The following KANK1 variants were observed in gnomAD, a reference collection of about 807,000 sequenced individuals.
KANK1 encodes the protein KN motif and ankyrin repeat domain-containing protein 1.
A neutral mutation model predicts 106.2 loss-of-function variants in KANK1; 109 were observed. That is an observed-to-expected ratio of 1.03 (90% CI 0.88 to 1.20). The LOEUF (loss-of-function observed/expected upper bound fraction) is 1.20, where lower values mean the gene tolerates loss of function less well. Among genes scored for constraint, KANK1 ranks in the 50% most tolerant of loss-of-function variants. The pLI is 0.00. For missense variants in KANK1, 2,399 were observed against 1,710.7 expected (o/e 1.40, Z -7.10); for synonymous variants, 873 against 652.2 (o/e 1.34, Z -5.16).
chr9:584,905 G>C (rs1410334635), intron 1 of KANK1, among the ~76,000 whole-genome samples: 1 of 152,196 alleles, frequency 6.6e-6, no homozygotes, highest in Non-Finnish European at 1.5e-5. Flanking sequence ...GTCTCTGCTT[G>C]TTTCCGTTTG....
At chr9:634,510 T>C (rs913581006) in intron 1 of KANK1, among the ~76,000 whole-genome samples, 1 of 152,182 alleles carries the variant, frequency 6.6e-6, no homozygotes, top group Non-Finnish European at 1.5e-5. Context: ...GCCACCTGAC[T>C]TCTGAGCAGT....
chr9:501,110 T>C (rs1162172123), upstream of KANK1, among the ~76,000 whole-genome samples: 1 of 152,118 alleles, frequency 6.6e-6, no homozygotes, highest in Non-Finnish European at 1.5e-5. Flanking sequence ...TCTTTCAAGC[T>C]TGAGCAAAAT....
At chr9:688,857 C>A (rs770507137) in intron 2 of KANK1, among the ~76,000 whole-genome samples, 2 of 152,132 alleles carry the variant, frequency 1.3e-5, no homozygotes, top group Non-Finnish European at 2.9e-5. Flanking sequence ...GCTTGGTGGG[C>A]TGGTTGCAAC....
chr9:543,043 A>G (rs1314911120), intron 1 of KANK1, among the ~76,000 whole-genome samples: 2 of 152,234 alleles, frequency 1.3e-5, no homozygotes, highest in East Asian at 1.9e-4. Context: ...CTCACCACAA[A>G]TAAGTGCGAG....
intron 2 of KANK1, among the ~76,000 whole-genome samples, chr9:686,611 G>A (rs1453043913): frequency 6.6e-6 from 1 of 152,166 alleles, no homozygotes; most frequent in Non-Finnish European, 1.5e-5. Context: ...ACACTGTGAT[G>A]CCCTTTGCCA....
chr9:704,236 A>C (rs1407187282), intron 2 of KANK1, among the ~76,000 whole-genome samples: 1 of 152,192 alleles, frequency 6.6e-6, no homozygotes, highest in East Asian at 1.9e-4. Flanking sequence ...AGACCTTTAT[A>C]TCTTTTTCAC....
intron 2 of KANK1, among the ~76,000 whole-genome samples, chr9:686,199 T>G (rs1314323868): frequency 6.6e-6 from 1 of 152,216 alleles, no homozygotes; most frequent in Non-Finnish European, 1.5e-5. Flanking sequence ...CCCCCTCATG[T>G]AAGTCTGTCT....
At chr9:698,602 C>T (rs548941153) in intron 2 of KANK1, among the ~76,000 whole-genome samples, 7 of 152,202 alleles carry the variant, frequency 4.6e-5, no homozygotes, top group East Asian at 1.9e-4. Context: ...CAGTTTCCTC[C>T]GAAGTATTAG....
chr9:556,293 C>G (rs2061578104), intron 1 of KANK1, among the ~76,000 whole-genome samples: 1 of 151,996 alleles, frequency 6.6e-6, no homozygotes, highest in African/African-American at 2.4e-5. Flanking sequence ...AAACTTTTCT[C>G]TGTATGTGTC....
intron 1 of KANK1, among the ~76,000 whole-genome samples, chr9:531,950 T>G (rs2060076447): frequency 6.6e-6 from 1 of 152,230 alleles, no homozygotes; most frequent in Non-Finnish European, 1.5e-5. Context: ...GACATCCACC[T>G]GGCCTCCAAG....
At chr9:515,989 A>G (rs1355217890) in intron 1 of KANK1, among the ~76,000 whole-genome samples, 1 of 151,738 alleles carries the variant, frequency 6.6e-6, no homozygotes, top group Non-Finnish European at 1.5e-5. Context: ...GTTTCTTTTT[A>G]AGACCTGTAT....
chr9:742,288 C>G lies in KANK1; in HGVS notation c.3780C>G (p.Val1260=), dbSNP rs1835813025. Residue 1260 remains valine, a synonymous_variant, in exon 10 of 12, where the codon GTC becomes GTG. Transcript: ENST00000382297. ...VKGLLACGAD[V]NIQDDEGSTA... ...GCCTTCTGGCCTGTGGGGCTGATGT[C>G]AACATCCAGGATGACGAGGGCTCCA... The G allele has an allele frequency of 2.5e-6, 4 of 1,614,162 alleles. No homozygotes were observed. The highest frequency in any genetic ancestry group is 3.4e-6 in the Non-Finnish European group (4 of 1,179,998).
At chr9:627,787 C>T (rs916401653) in intron 1 of KANK1, among the ~76,000 whole-genome samples, 1 of 152,130 alleles carries the variant, frequency 6.6e-6, no homozygotes, top group Non-Finnish European at 1.5e-5. Context: ...GGGTTTTGTT[C>T]TTGTTTTTCC....
chr9:628,412 G>A (rs549495552), intron 1 of KANK1, among the ~76,000 whole-genome samples: 2 of 152,274 alleles, frequency 1.3e-5, no homozygotes, highest in African/African-American at 4.8e-5. Flanking sequence ...CCAGTAGGGG[G>A]GGTTCCTGTA....
At chr9:607,175 T>A (rs1268035574) in intron 1 of KANK1, among the ~76,000 whole-genome samples, 1 of 151,746 alleles carries the variant, frequency 6.6e-6, no homozygotes, top group Non-Finnish European at 1.5e-5. Flanking sequence ...AACTTTGGCA[T>A]ATCAAAATCC....
At chr9:608,099 G>A (rs992067437) in intron 1 of KANK1, among the ~76,000 whole-genome samples, 2 of 141,520 alleles carry the variant, frequency 1.4e-5, no homozygotes, top group Non-Finnish European at 3.0e-5. Flanking sequence ...CTGCAGTGGC[G>A]CAATCTCGGC....
intron 2 of KANK1, among the ~76,000 whole-genome samples, chr9:710,078 G>A (rs1328835202): frequency 1.3e-5 from 2 of 152,000 alleles, no homozygotes; most frequent in Admixed American, 6.6e-5. Flanking sequence ...GGGGAGTGAG[G>A]GTTGAAAAAT....
In KANK1 at chr9:661,286, C is replaced by G. The variant is rs147056688; in HGVS notation, c.-83-15604C>G. 1.3e-3 allele frequency among the ~76,000 whole-genome samples: 190 copies of G among 147,942 alleles called. 2 individuals are homozygous for G. In the East Asian group the frequency reaches 0.032, roughly 25 times the overall value. On this transcript the variant is annotated intron_variant, in intron 1 of 11. Transcript: ENST00000382297. Reference sequence around the variant, plus strand: ...CTATCCCTCCTCTCTTCCCCCTCCCCACAACAGGCCCCAGTGTGTGATGTT... The same window carrying G: ...CTATCCCTCCTCTCTTCCCCCTCCCGACAACAGGCCCCAGTGTGTGATGTT...
intron 3 of KANK1, among the ~76,000 whole-genome samples, chr9:481,624 C>A (rs1190726474): frequency 6.6e-6 from 1 of 152,146 alleles, no homozygotes; most frequent in Admixed American, 6.5e-5. Context: ...CATGACGGCT[C>A]ATTAGGAAGC....
Sources: allele counts gnomAD v4.1 joint callset (sites outside exome capture counted in the v4.1 genomes callset), GRCh38; gene constraint gnomAD v4.1.1; transcripts MANE v1.5; gene names NCBI Gene and HGNC (gene_info 2026-07-23, HGNC 2026-07-21).